The following ZMAT4 variants were observed in gnomAD, a reference collection of about 807,000 sequenced individuals.
The protein encoded by ZMAT4 is zinc finger matrin-type 4.
ZMAT4 carries 17 observed loss-of-function variants against 28.7 expected under a neutral mutation model. The observed-to-expected ratio is 0.59, with a 90% CI of 0.41 to 0.89. ZMAT4 has a LOEUF of 0.89. ZMAT4 is among the 40% of genes least tolerant of loss of function. The pLI is 0.00. For synonymous variants in ZMAT4, 117 were observed against 109.2 expected, an observed-to-expected ratio of 1.07 and a Z score of -0.44; for missense variants, 240 against 283.8, an observed-to-expected ratio of 0.85 and a Z score of 1.11.
chr8:40,607,863 A>G (rs1336432419), intron 5 of ZMAT4, among the ~76,000 whole-genome samples: 2 of 152,094 alleles, frequency 1.3e-5, no homozygotes, highest in Non-Finnish European at 2.9e-5. Context: ...GTGTCTGCAA[A>G]GAGTCCTGGG....
At chr8:40,763,161 A>G (rs940695012) in intron 3 of ZMAT4, among the ~76,000 whole-genome samples, 37 of 152,178 alleles carry the variant, frequency 2.4e-4, no homozygotes, top group African/African-American at 8.7e-4. Context: ...GCATTGAGAT[A>G]CAGGGTCTAC....
chr8:40,710,348 G>A lies in ZMAT4; in HGVS notation c.193-12947C>T, dbSNP rs186395155. ...TAATTATGGGATATTCTAATTCATC[G>A]TTTCCTGCGTCTTTGTGAACCAACA... On this transcript the variant is annotated intron_variant, in intron 3 of 6. Transcript: ENST00000297737. Among the ~76,000 whole-genome samples the A allele has an allele frequency of 5.3e-5, 8 of 152,176 alleles. No individual in the cohort carries two copies. In the East Asian group the frequency reaches 1.2e-3, roughly 22 times the overall value.
At chr8:40,783,598 T>C (rs1262660142) in intron 2 of ZMAT4, among the ~76,000 whole-genome samples, 1 of 152,024 alleles carries the variant, frequency 6.6e-6, no homozygotes, top group African/African-American at 2.4e-5. Flanking sequence ...AGCTGTTATT[T>C]AAAAATTAAA....
chr8:40,786,782 C>A (rs1374232718), intron 2 of ZMAT4: 1 of 1,273,164 alleles, frequency 7.9e-7, no homozygotes. Flanking sequence ...AATTCTGGAC[C>A]CTAGGATAGA....
intron 5 of ZMAT4, among the ~76,000 whole-genome samples, chr8:40,658,303 T>C (rs1048825490): frequency 2.0e-5 from 3 of 152,200 alleles, no homozygotes; most frequent in African/African-American, 7.2e-5. Flanking sequence ...CCTATGCATA[T>C]TAATGTAAGA....
chr8:40,851,550 G>A (rs766085435), intron 1 of ZMAT4, among the ~76,000 whole-genome samples: 1 of 152,122 alleles, frequency 6.6e-6, no homozygotes, highest in East Asian at 1.9e-4. Context: ...ACCGAGTGAA[G>A]GGTTTATAAA....
At chr8:40,605,601 A>G (rs1449150196) in intron 5 of ZMAT4, among the ~76,000 whole-genome samples, 1 of 152,070 alleles carries the variant, frequency 6.6e-6, no homozygotes, top group Non-Finnish European at 1.5e-5. Context: ...TATCTTGGAG[A>G]ATGTTCCATG....
chr8:40,886,795 A>G (rs2150668064), intron 1 of ZMAT4, among the ~76,000 whole-genome samples: 1 of 151,888 alleles, frequency 6.6e-6, no homozygotes. Context: ...CTCTTCCCAC[A>G]TTCCGAAAAT....
At chr8:40,641,400 A>T (rs1807020590) in intron 5 of ZMAT4, among the ~76,000 whole-genome samples, 1 of 152,260 alleles carries the variant, frequency 6.6e-6, no homozygotes, top group South Asian at 2.1e-4. Flanking sequence ...CTTGTTAGAC[A>T]AATGGGAATG....
chr8:40,546,212 A>G (rs1323863555), intron 6 of ZMAT4, among the ~76,000 whole-genome samples: 2 of 151,880 alleles, frequency 1.3e-5, no homozygotes, highest in Non-Finnish European at 2.9e-5. Context: ...TTTAAAAAAG[A>G]GGAAGGAAAA....
At chr8:40,683,593 T>TTGGA (rs1809268242) in intron 4 of ZMAT4, among the ~76,000 whole-genome samples, 2 of 152,188 alleles carry the variant, frequency 1.3e-5, no homozygotes, top group South Asian at 4.1e-4. Flanking sequence ...AACTGGGTTT[T>TTGGA]TGGATACTGC....
At chr8:40,818,128 G>A (rs1342233712) in intron 2 of ZMAT4, among the ~76,000 whole-genome samples, 1 of 152,046 alleles carries the variant, frequency 6.6e-6, no homozygotes, top group Admixed American at 6.5e-5. Flanking sequence ...GCCTGAGTTG[G>A]GTGTGCTCTT....
chr8:40,838,290 G>A (rs1324106140), intron 1 of ZMAT4, among the ~76,000 whole-genome samples: 1 of 152,196 alleles, frequency 6.6e-6, no homozygotes, highest in Admixed American at 6.5e-5. Flanking sequence ...GAAGTTCCTG[G>A]CTCTGGGGAA....
At chr8:40,644,015 G>A (rs1807181900) in intron 5 of ZMAT4, among the ~76,000 whole-genome samples, 1 of 152,004 alleles carries the variant, frequency 6.6e-6, no homozygotes, top group Non-Finnish European at 1.5e-5. Flanking sequence ...GATTATGAAG[G>A]TTTTTAAACC....
rs534495036 is a variant in ZMAT4 at position 40,745,954 on chromosome 8, TC to T, written c.192+21686del. The stretch of plus-strand genomic sequence containing the variant: ...GTACTCAGCTAAGCATCCCTTAGCT[TC>T]CCTGACACAACACACTCCTAGTTTT... On this transcript the variant is annotated intron_variant, in intron 3 of 6. Coordinates refer to ENST00000297737, the MANE Select transcript of ZMAT4 (RefSeq NM_024645.3). 4.7e-3 allele frequency among the ~76,000 whole-genome samples: 721 copies of T among 152,304 alleles called. 3 individuals are homozygous for T. The highest frequency in any genetic ancestry group is 0.017 in the African/African-American group (687 of 41,562).
At chr8:40,601,878 A>AT (rs1455300797) in intron 5 of ZMAT4, among the ~76,000 whole-genome samples, 1 of 151,976 alleles carries the variant, frequency 6.6e-6, no homozygotes, top group Non-Finnish European at 1.5e-5. Flanking sequence ...TTGACTTTTA[A>AT]TTTTTTCAGT....
At chr8:40,551,831 T>C (rs910861015) in intron 6 of ZMAT4, among the ~76,000 whole-genome samples, 12 of 152,188 alleles carry the variant, frequency 7.9e-5, no homozygotes, top group Admixed American at 2.0e-4. Context: ...TGTGGCATGA[T>C]AAAGTTTGAA....
intron 1 of ZMAT4, among the ~76,000 whole-genome samples, chr8:40,837,941 C>T (rs1007364404): frequency 6.6e-6 from 1 of 152,242 alleles, no homozygotes; most frequent in African/African-American, 2.4e-5. Flanking sequence ...ACCCCTGGCA[C>T]ATTGGTGTTG....
At chr8:40,565,236 T>C (rs534501736) in intron 6 of ZMAT4, among the ~76,000 whole-genome samples, 3 of 152,180 alleles carry the variant, frequency 2.0e-5, no homozygotes, top group Non-Finnish European at 4.4e-5. Context: ...CATATATAAG[T>C]GATGAGGGCT....
Sources: gnomAD v4.1 joint callset for allele counts (sites outside exome capture counted in the v4.1 genomes callset) on GRCh38, gnomAD v4.1.1 for gene constraint, MANE v1.5 for transcripts, NCBI Gene and HGNC (gene_info 2026-07-23, HGNC 2026-07-21) for gene names.